The following TENM1 variants were observed in gnomAD, a reference collection of about 807,000 sequenced individuals.
TENM1 encodes the protein teneurin-1.
TENM1 carries 35 observed loss-of-function variants against 174.8 expected under a neutral mutation model. That is an observed-to-expected ratio of 0.20 (90% CI 0.15 to 0.27). The LOEUF (loss-of-function observed/expected upper bound fraction) is 0.27, where lower values mean the gene tolerates loss of function less well. TENM1 is among the 10% of genes least tolerant of loss of function. The pLI is 1.00. For synonymous variants in TENM1, 781 were observed against 798.7 expected (o/e 0.98, Z 0.37); for missense variants, 1,633 against 2,130.1 (o/e 0.77, Z 4.59).
At chrX:124,741,578 T>C (rs944258016) in intron 3 of TENM1, among the ~76,000 whole-genome samples, 1 of 112,127 alleles carries the variant, frequency 8.9e-6, no homozygotes. Flanking sequence ...TAGTTTGTCA[T>C]ATATTAATGG....
chrX:125,116,126 C>G, the TENM1 span, among the ~76,000 whole-genome samples: 1 of 110,762 alleles, frequency 9.0e-6, no homozygotes, highest in African/African-American at 3.3e-5. Flanking sequence ...ACAAACCTGA[C>G]GAAAGCAATG....
the TENM1 span, among the ~76,000 whole-genome samples, chrX:125,095,268 G>C: frequency 1.8e-5 from 2 of 111,649 alleles, no homozygotes; most frequent in African/African-American, 6.5e-5. Flanking sequence ...TACTACACTA[G>C]GGATTTGCAA....
chrX:124,543,292 A>G (rs1441414200), intron 15 of TENM1, among the ~76,000 whole-genome samples: 1 of 112,589 alleles, frequency 8.9e-6, no homozygotes, highest in Non-Finnish European at 1.9e-5. Context: ...ATGTCAGGAC[A>G]AACAAAATAC....
intron 3 of TENM1, among the ~76,000 whole-genome samples, chrX:124,883,993 G>C (rs1490709772): frequency 9.0e-6 from 1 of 111,125 alleles, no homozygotes; most frequent in Admixed American, 9.5e-5. Context: ...CCAGACCTCT[G>C]GTGGAATGCT....
chrX:124,719,870 G>A (rs964205413), intron 4 of TENM1, among the ~76,000 whole-genome samples: 4 of 111,684 alleles, frequency 3.6e-5, no homozygotes, highest in African/African-American at 9.8e-5. Context: ...ACGGATTCAC[G>A]GGGTGCAGTA....
At chrX:124,745,158 C>A (rs1434506274) in intron 3 of TENM1, among the ~76,000 whole-genome samples, 1 of 111,356 alleles carries the variant, frequency 9.0e-6, no homozygotes, top group South Asian at 3.8e-4. Context: ...TCGTAACCAC[C>A]GTTGTCTGGT....
At chrX:124,623,308 A>T (rs370398601) in intron 11 of TENM1, among the ~76,000 whole-genome samples, 1 of 110,311 alleles carries the variant, frequency 9.1e-6, no homozygotes, top group East Asian at 2.8e-4. Context: ...TGAATGTGAG[A>T]GTGTATAAGG....
At chrX:124,545,830 T>C (rs1277605743) in intron 15 of TENM1, among the ~76,000 whole-genome samples, 2 of 111,456 alleles carry the variant, frequency 1.8e-5, no homozygotes, top group African/African-American at 6.5e-5. Flanking sequence ...TCACTGGCAG[T>C]TGGATTTTGG....
intron 3 of TENM1, among the ~76,000 whole-genome samples, chrX:124,791,741 A>G (rs2055184772): frequency 8.9e-6 from 1 of 111,858 alleles, no homozygotes; most frequent in African/African-American, 3.2e-5. Context: ...TGACCCTGAC[A>G]GGATATATTA....
intron 6 of TENM1, among the ~76,000 whole-genome samples, chrX:124,659,192 C>T (rs1569371314): frequency 8.9e-6 from 1 of 111,848 alleles, no homozygotes; most frequent in Non-Finnish European, 1.9e-5. Flanking sequence ...TGATATAAAG[C>T]ACAAATGTAT....
At chrX:124,786,746 T>G (rs2055046005) in intron 3 of TENM1, among the ~76,000 whole-genome samples, 1 of 111,443 alleles carries the variant, frequency 9.0e-6, no homozygotes, top group African/African-American at 3.3e-5. Context: ...TTGTTAGTTT[T>G]TTACTGAGCA....
In TENM1 at chrX:124,661,584, T is replaced by A. The variant is rs750254047; in HGVS notation, c.1169-7801A>T. On this transcript the variant is annotated intron_variant, in intron 6 of 31. Transcript: ENST00000422452. ...TTATATGTCAGTTATCATTATCACA[T>A]CATTCTTAACTTTGGATGGTGGCAG... is the stretch of plus-strand genomic sequence containing the variant. Among the ~76,000 whole-genome samples the A allele has an allele frequency of 9.8e-5, 11 of 112,106 alleles. No homozygotes were observed. In the East Asian group the frequency reaches 2.8e-3, roughly 29 times the overall value.
intron 15 of TENM1, among the ~76,000 whole-genome samples, chrX:124,543,837 AACAT>A (rs1351798909): frequency 2.7e-5 from 3 of 112,573 alleles, no homozygotes; most frequent in Non-Finnish European, 5.6e-5. Flanking sequence ...CACGGCACAG[AACAT>A]ACATATTCCA....
chrX:124,435,116 G>A (rs1477243464), intron 23 of TENM1, among the ~76,000 whole-genome samples: 2 of 111,606 alleles, frequency 1.8e-5, no homozygotes, highest in Admixed American at 9.5e-5. Flanking sequence ...ATAATTCAGA[G>A]TAAGGACAGG....
chrX:124,581,045 G>C (rs1031806193), intron 11 of TENM1, among the ~76,000 whole-genome samples: 1 of 100,107 alleles, frequency 1.0e-5, no homozygotes, highest in Non-Finnish European at 2.0e-5. Flanking sequence ...TGGCTACAAA[G>C]AACAATACTT....
chrX:124,514,785 T>C (rs2047663149), intron 18 of TENM1, among the ~76,000 whole-genome samples: 1 of 111,156 alleles, frequency 9.0e-6, no homozygotes, highest in South Asian at 3.9e-4. Flanking sequence ...AAAGAACAGC[T>C]GGTACCATTC....
At chrX:124,668,283 C>T (rs1007003791) in intron 6 of TENM1, among the ~76,000 whole-genome samples, 13 of 111,487 alleles carry the variant, frequency 1.2e-4, no homozygotes, top group Non-Finnish European at 2.3e-4. Flanking sequence ...TTGTGGAAGA[C>T]AGTGTGGCGA....
At chrX:124,815,131 G>A (rs774354992) in intron 3 of TENM1, among the ~76,000 whole-genome samples, 1 of 111,682 alleles carries the variant, frequency 9.0e-6, no homozygotes, top group South Asian at 3.8e-4. Flanking sequence ...GGCTATGCAT[G>A]GCTGTGGATA....
chrX:125,083,540 G>A, the TENM1 span, among the ~76,000 whole-genome samples: 123 of 110,209 alleles, frequency 1.1e-3, no homozygotes, highest in African/African-American at 4.0e-3. Context: ...ACACACATAT[G>A]TTACTGTAAT....
Sources: allele counts gnomAD v4.1 joint callset (sites outside exome capture counted in the v4.1 genomes callset), GRCh38; gene constraint gnomAD v4.1.1; transcripts MANE v1.5; gene names NCBI Gene and HGNC (gene_info 2026-07-23, HGNC 2026-07-21).